Variants in KRT31 observed in about 807,000 individuals in gnomAD.
KRT31 encodes keratin, type I cuticular Ha1.
A neutral mutation model predicts 40.8 loss-of-function variants in KRT31; 27 were observed. The observed-to-expected ratio is 0.66, with a 90% CI of 0.49 to 0.91. The LOEUF is 0.91. KRT31 is among the 40% of genes least tolerant of loss of function. The pLI is 0.00. For missense variants in KRT31, 510 were observed against 544.1 expected, an observed-to-expected ratio of 0.94 and a Z score of 0.62; for synonymous variants, 231 against 231.9, an observed-to-expected ratio of 1.00 and a Z score of 0.03.
At chr17:41,395,224 G>A (rs763824847) in intron 5 of KRT31, 21 bp downstream of exon 5, 9 of 1,612,480 alleles carry the variant, frequency 5.6e-6, no homozygotes, top group Non-Finnish European at 7.6e-6. Flanking sequence ...TCGCTCACCA[G>A]CAGGTCTGAA....
In KRT31 at chr17:41,393,860, GAGGCTAC is replaced by G; in HGVS notation, c.*149_*155del. The G allele has an allele frequency of 1.4e-6, 1 of 713,302 alleles. No individual in the cohort carries two copies. The highest frequency in any genetic ancestry group is 2.2e-6 in the Non-Finnish European group (1 of 448,260). 44.2% of individuals were successfully genotyped at this position (713,302 alleles called of 1,614,324 possible). ...AGCAGGACAGTCTGGAGTAGTTGGGGAGGCTACAGGCTTTGGGTGAGTTTCTTGGCTG... is the reference window on the plus strand; with the variant it reads ...AGCAGGACAGTCTGGAGTAGTTGGGGAGGCTTTGGGTGAGTTTCTTGGCTG... On this transcript the variant is annotated 3_prime_UTR_variant, in exon 7 of 7. Transcript: ENST00000251645.
rs1476350456 is a variant in KRT31, at chr17:41,394,152, C to A, written c.1115G>T (p.Cys372Phe). 6.2e-7 allele frequency: 1 copy of A among 1,611,288 alleles called. No individual in the cohort carries two copies. Among genetic ancestry groups the A allele is most frequent in the Non-Finnish European group, 8.5e-7 (1 of 1,179,082 alleles). The change falls in exon 7 of 7, where the codon TGT (cysteine) becomes TTT (phenylalanine). Residue 372 changes from cysteine (C) to phenylalanine (F), a missense_variant. By Grantham distance (205) the Cys-to-Phe change is radical. Coordinates refer to ENST00000251645, the MANE Select transcript of KRT31 (RefSeq NM_002277.3). ...CTTGCTGCACGCGTTGGTCGTGGCA[C>A]AGGGATTGCTGGGCAGACTGGAGAC... is the stretch of plus-strand genomic sequence containing the variant. ...SEDCNLPSNP[C>F]ATTNACSKPI... is the part of the protein sequence containing the mutation.
At chr17:41,396,281 A>C in intron 3 of KRT31, 139 bp downstream of exon 3, 1 of 751,942 alleles carries the variant, frequency 1.3e-6, no homozygotes, top group Non-Finnish European at 2.1e-6. Flanking sequence ...TCTCTCTCCA[A>C]TTTTTCTCTT....
In KRT31 at chr17:41,396,908, C is replaced by G; in HGVS notation, c.431+5G>C. On this transcript the variant is annotated splice_donor_5th_base_variant and intron_variant, in intron 2 of 6. Transcript: ENST00000251645. Reference sequence around the variant, plus strand: ...TGACACTAGTGCAAATTCCGAACAACTCACTTGGTTCTGAAATCATCCGCA... The same window carrying G: ...TGACACTAGTGCAAATTCCGAACAAGTCACTTGGTTCTGAAATCATCCGCA... 1 of 1,611,062 alleles carries G rather than the reference C, an allele frequency of 6.2e-7. No individual in the cohort carries two copies. The highest frequency in any genetic ancestry group is 8.5e-7 in the Non-Finnish European group (1 of 1,177,228).
In KRT31 at chr17:41,396,540, C is replaced by A; in HGVS notation, c.468G>T (p.Glu156Asp). Reference sequence around the variant, plus strand: ...TCCTGCGCAGACCGTTGATGTCCGACTCCACCAGCTGCCGCAGGGACAGCT... The same window carrying A: ...TCCTGCGCAGACCGTTGATGTCCGAATCCACCAGCTGCCGCAGGGACAGCT... The part of the protein sequence containing the change: ...QTELSLRQLV[E>D]SDINGLRRIL... Residue 156 changes from glutamate (E) to aspartate (D), a missense_variant, in exon 3 of 7, where the codon GAG becomes GAT. Glu to Asp is a conservative substitution (Grantham distance 45, BLOSUM62 2). Transcript: ENST00000251645. 1 of 1,614,192 alleles carries A rather than the reference C, an allele frequency of 6.2e-7. No individual in the cohort carries two copies. Among genetic ancestry groups the A allele is most frequent in the South Asian group, 1.1e-5 (1 of 91,078 alleles).
Position 41,394,881 on chromosome 17 carries a change from G to A in KRT31, c.1064C>T (p.Thr355Ile). The A allele has an allele frequency of 6.2e-7, 1 of 1,614,184 alleles. No homozygotes were observed. Among genetic ancestry groups the A allele is most frequent in the Non-Finnish European group, 8.5e-7 (1 of 1,180,036 alleles). ...VRARLECEINTYRSLLESEDC... is the reference protein window; with the variant it reads ...VRARLECEINIYRSLLESEDC... Reference sequence around the variant, plus strand: ...CTCGCTCTCCAGCAGGCTCCGGTATGTGTTGATCTCACACTCCAGCCGGGC... The same window carrying A: ...CTCGCTCTCCAGCAGGCTCCGGTATATGTTGATCTCACACTCCAGCCGGGC... The change falls in exon 6 of 7, where the codon ACA becomes ATA. Residue 355 changes from threonine to isoleucine, a missense_variant. Physicochemically the swap from Thr to Ile is moderately conservative, Grantham distance 89. Transcript: ENST00000251645.
Position 41,394,872 on chromosome 17 carries a change from C to T in KRT31, c.1073G>A (p.Ser358Asn), listed in dbSNP as rs951729501. Residue 358 changes from serine to asparagine, a missense_variant, in exon 6 of 7, where the codon AGC becomes AAC. Transcript: ENST00000251645. Reference sequence around the variant, plus strand: ...CTTGCAGTCCTCGCTCTCCAGCAGGCTCCGGTATGTGTTGATCTCACACTC... The same window carrying T: ...CTTGCAGTCCTCGCTCTCCAGCAGGTTCCGGTATGTGTTGATCTCACACTC... ...RLECEINTYR[S>N]LLESEDCNLP... 10 of 1,614,038 alleles carry T rather than the reference C, an allele frequency of 6.2e-6. No individual in the cohort carries two copies. Among genetic ancestry groups the T allele is most frequent in the African/African-American group, 1.3e-5 (1 of 74,926 alleles).
chr17:41,394,965 T>C lies in KRT31; in HGVS notation c.980A>G (p.Glu327Gly). ...CTGCCGCTCCAGGTCACTGCGGATC[T>C]CCGCCAGCTGGGACTCCACGTTGGT... ...LITNVESQLAEIRSDLERQNQ... is the reference protein window; with the variant it reads ...LITNVESQLAGIRSDLERQNQ... The change falls in exon 6 of 7, where the codon GAG becomes GGG. Residue 327 changes from glutamate (E) to glycine (G), a missense_variant. Glu to Gly is a moderately conservative substitution (Grantham distance 98). Coordinates refer to ENST00000251645, the MANE Select transcript of KRT31 (RefSeq NM_002277.3). 1 of 1,614,260 alleles carries C rather than the reference T, an allele frequency of 6.2e-7. No individual in the cohort carries two copies. Among genetic ancestry groups the C allele is most frequent in the Non-Finnish European group, 8.5e-7 (1 of 1,180,036 alleles).
chr17:41,396,483 G>C lies in KRT31; in HGVS notation c.525C>G (p.Asp175Glu). ...ILDELTLCKS[D>E]LEAQVESLKE... ...TCAGGGACTCCACCTGGGCCTCCAG[G>C]TCGGACTTGCACAGGGTCAGCTCAT... Residue 175 changes from aspartate to glutamate, a missense_variant, in exon 3 of 7, where the codon GAC (aspartate) becomes GAG (glutamate). Transcript: ENST00000251645. 1 of 1,614,198 alleles carries C rather than the reference G, an allele frequency of 6.2e-7. No homozygotes were observed.
In KRT31 at chr17:41,394,066, G is replaced by A; in HGVS notation, c.1201C>T (p.Pro401Ser). The change falls in exon 7 of 7, where the codon CCC becomes TCC. Residue 401 changes from proline to serine, a missense_variant. Coordinates refer to ENST00000251645, the MANE Select transcript of KRT31 (RefSeq NM_002277.3). The part of the protein sequence containing the change: ...TSCVPPAPCT[P>S]CAPRPRCGPC... ...CCACAGCGGGGGCGTGGGGCACAGG[G>A]TGTGCAGGGGGCAGGAGGGACACAA... 1 of 1,613,632 alleles carries A rather than the reference G, an allele frequency of 6.2e-7. No homozygotes were observed. Among genetic ancestry groups the A allele is most frequent in the Non-Finnish European group, 8.5e-7 (1 of 1,179,758 alleles).
rs200127910 is a variant in KRT31 at position 41,395,410 on chromosome 17, C to T, written c.751-40G>A. On this transcript the variant is annotated intron_variant, in intron 4 of 6. Coordinates refer to ENST00000251645, the MANE Select transcript of KRT31 (RefSeq NM_002277.3). ...GGGAGAAAGGATCAGACCCTGCCTC[C>T]GGGGCCCTGGGGGGCCTTGGGTCCT... 6.5e-3 allele frequency: 10,439 copies of T among 1,613,966 alleles called. 147 individuals are homozygous for T. The highest frequency in any genetic ancestry group is 6.7e-3 in the South Asian group (610 of 91,072).
Position 41,393,779 on chromosome 17 carries a change from C to G in KRT31, c.*237G>C, listed in dbSNP as rs1266457876. The G allele has an allele frequency of 1.0e-5, 5 of 500,326 alleles. No individual in the cohort carries two copies. The highest frequency in any genetic ancestry group is 2.0e-5 in the African/African-American group (1 of 49,432). The allele number at this position is 500,326 out of a possible 1,614,324, so 31.0% of individuals were successfully genotyped here. On this transcript the variant is annotated 3_prime_UTR_variant, in exon 7 of 7. Coordinates refer to ENST00000251645, the MANE Select transcript of KRT31 (RefSeq NM_002277.3). ...TTAAAAGGGAGGCCCACTGGCACATCAGAGAGTTCTCTGGGTGAGCATAGG... is the reference window on the plus strand; with the variant it reads ...TTAAAAGGGAGGCCCACTGGCACATGAGAGAGTTCTCTGGGTGAGCATAGG...
Position 41,393,749 on chromosome 17 carries a change from G to A in KRT31, c.*267C>T. 1 of 464,754 alleles carries A rather than the reference G, an allele frequency of 2.2e-6. No homozygotes were observed. 28.8% of individuals were successfully genotyped at this position (464,754 alleles called of 1,614,324 possible). A position where few individuals can be genotyped will look rare whatever the true frequency, so the allele number is the denominator to read the frequency against. ...TTTGCCAAGGAAATGATATTTATTAGGAGGTTAAAAGGGAGGCCCACTGGC... is the reference window on the plus strand; with the variant it reads ...TTTGCCAAGGAAATGATATTTATTAAGAGGTTAAAAGGGAGGCCCACTGGC... On this transcript the variant is annotated 3_prime_UTR_variant, in exon 7 of 7. Coordinates refer to ENST00000251645, the MANE Select transcript of KRT31 (RefSeq NM_002277.3).
At position 41,394,071 on chromosome 17, in the gene KRT31, C is replaced by CA. The variant is rs2018178006; in HGVS notation, c.1195dup (p.Cys399LeufsTer38). On this transcript the variant is annotated frameshift_variant, in exon 7 of 7. Coordinates refer to ENST00000251645, the MANE Select transcript of KRT31 (RefSeq NM_002277.3). LOFTEE classifies it high-confidence loss of function. ...GCGGGGGCGTGGGGCACAGGGTGTG[C>CA]AGGGGGCAGGAGGGACACAAGAGGT... 6.2e-7 allele frequency: 1 copy of CA among 1,613,250 alleles called. No individual in the cohort carries two copies. The highest frequency in any genetic ancestry group is 8.5e-7 in the Non-Finnish European group (1 of 1,179,648).
rs550010667 is a variant in KRT31 at position 41,397,521 on chromosome 17, G to C, written c.19C>G (p.Leu7Val). The change falls in exon 1 of 7, where the codon CTG becomes GTG. Residue 7 changes from leucine (L) to valine (V), a missense_variant. Coordinates refer to ENST00000251645, the MANE Select transcript of KRT31 (RefSeq NM_002277.3). ...CTGGTGCGGCAGCTCAGGCTGGGCA[G>C]GCAGAAGTTGTAGGGCATAGTGCTG... Reference protein sequence around the residue: MPYNFCLPSLSCRTSCS... With the variant: MPYNFCVPSLSCRTSCS... 6.2e-7 allele frequency: 1 copy of C among 1,613,022 alleles called. No homozygotes were observed. The highest frequency in any genetic ancestry group is 1.7e-5 in the Admixed American group (1 of 59,952).
At position 41,393,974 on chromosome 17, in the gene KRT31, T is replaced by A; in HGVS notation, c.*42A>T. 2.5e-6 allele frequency: 4 copies of A among 1,600,692 alleles called. No homozygotes were observed. The highest frequency in any genetic ancestry group is 3.4e-6 in the Non-Finnish European group (4 of 1,175,726). ...CCAGAGCCAGGTCACAGCTCTGGAG[T>A]CCTGGGCCCTGCATCCTTGCTCCTC... is the stretch of plus-strand genomic sequence containing the variant. On this transcript the variant is annotated 3_prime_UTR_variant, in exon 7 of 7. Coordinates refer to ENST00000251645, the MANE Select transcript of KRT31 (RefSeq NM_002277.3).
Position 41,393,736 on chromosome 17 carries a change from A to G in KRT31, c.*280T>C, listed in dbSNP as rs1180006460. 3 of 443,966 alleles carry G rather than the reference A, an allele frequency of 6.8e-6. No homozygotes were observed. The highest frequency in any genetic ancestry group is 4.1e-5 in the Admixed American group (1 of 24,628). The allele number at this position is 443,966 out of a possible 1,614,324, so 27.5% of individuals were successfully genotyped here. A position where few individuals can be genotyped will look rare whatever the true frequency, so the allele number is the denominator to read the frequency against. Reference sequence around the variant, plus strand: ...AAAAGGCATCTGCTTTGCCAAGGAAATGATATTTATTAGGAGGTTAAAAGG... The same window carrying G: ...AAAAGGCATCTGCTTTGCCAAGGAAGTGATATTTATTAGGAGGTTAAAAGG... On this transcript the variant is annotated 3_prime_UTR_variant, in exon 7 of 7. Transcript: ENST00000251645.
rs146679399 is a variant in KRT31, at chr17:41,395,465, C to T, written c.747G>A (p.Thr249=). 11 of 1,613,988 alleles carry T rather than the reference C, an allele frequency of 6.8e-6. No homozygotes were observed. The highest frequency in any genetic ancestry group is 4.0e-5 in the African/African-American group (3 of 74,938). ...GGCCACGTGCTTAGATGCCCACCTGCGTGGTGAACCATTGCTCCACTTCCC... is the reference window on the plus strand; with the variant it reads ...GGCCACGTGCTTAGATGCCCACCTGTGTGGTGAACCATTGCTCCACTTCCC... The part of the protein sequence containing the change: ...NRREVEQWFT[T]QTEELNKQVV... The change falls in exon 4 of 7, where the codon ACG becomes ACA. Residue 249 remains threonine, a synonymous_variant. Coordinates refer to ENST00000251645, the MANE Select transcript of KRT31 (RefSeq NM_002277.3).
intron 4 of KRT31, 28 bp downstream of exon 4, chr17:41,395,434 C>A (rs759863603): frequency 6.2e-7 from 1 of 1,613,900 alleles, no homozygotes. Flanking sequence ...GCCTTGGGTC[C>A]TGAGGGGCCA....
Sources: gnomAD v4.1 joint callset for allele counts on GRCh38, gnomAD v4.1.1 for gene constraint, MANE v1.5 for transcripts, NCBI Gene and HGNC (gene_info 2026-07-23, HGNC 2026-07-21) for gene names.